Variants in COMMD1 observed in about 807,000 individuals in gnomAD.
COMMD1 encodes the protein copper metabolism domain containing 1.
Under a neutral mutation model 17.2 loss-of-function variants are expected in COMMD1, and 10 were observed. The observed-to-expected ratio is 0.58, with a 90% confidence interval of 0.36 to 0.99. The LOEUF is 0.99. COMMD1 is among the 50% of genes least tolerant of loss of function. The pLI, the probability that COMMD1 is intolerant of heterozygous loss-of-function variation, is 0.01. For synonymous variants in COMMD1, 97 were observed against 91.6 expected, an observed-to-expected ratio of 1.06 and a Z score of -0.34; for missense variants, 270 against 231.8, an observed-to-expected ratio of 1.17 and a Z score of -1.07.
intron 1 of COMMD1, among the ~76,000 whole-genome samples, chr2:61,890,976 G>T (rs1011965140): frequency 6.6e-5 from 10 of 152,144 alleles, no homozygotes; most frequent in African/African-American, 2.4e-4. Context: ...GATGTAATAT[G>T]TTGGAAACAA....
chr2:61,972,353 ATATAT>A (rs963228910), intron 1 of COMMD1, among the ~76,000 whole-genome samples: 1 of 152,104 alleles, frequency 6.6e-6, no homozygotes, highest in African/African-American at 2.4e-5. Context: ...GCTTGTTTTA[ATATAT>A]TATAGACCTG....
chr2:62,087,900 A>T (rs1189828670), intron 2 of COMMD1, among the ~76,000 whole-genome samples: 1 of 152,212 alleles, frequency 6.6e-6, no homozygotes, highest in African/African-American at 2.4e-5. Context: ...ATTAAAATGT[A>T]GTCTATACTC....
chr2:62,011,221 A>G (rs183455274), intron 2 of COMMD1, among the ~76,000 whole-genome samples: 3 of 152,278 alleles, frequency 2.0e-5, no homozygotes, highest in Non-Finnish European at 2.9e-5. Flanking sequence ...ACAATTGACA[A>G]TGTATAATAC....
chr2:62,041,715 A>G (rs1321005628), intron 2 of COMMD1, among the ~76,000 whole-genome samples: 1 of 151,794 alleles, frequency 6.6e-6, no homozygotes, highest in Non-Finnish European at 1.5e-5. Flanking sequence ...GAAGCCGCGG[A>G]CCCTCACGGG....
intron 1 of COMMD1, among the ~76,000 whole-genome samples, chr2:61,924,243 A>T (rs1670268123): frequency 6.6e-6 from 1 of 152,096 alleles, no homozygotes; most frequent in South Asian, 2.1e-4. Context: ...TGATTTCCTT[A>T]GCCAACTATA....
chr2:62,071,855 A>G (rs377298643), intron 2 of COMMD1, among the ~76,000 whole-genome samples: 2 of 152,102 alleles, frequency 1.3e-5, no homozygotes, highest in East Asian at 1.9e-4. Context: ...ACTGATTAGC[A>G]TTAAGTTTAA....
At chr2:62,114,509 A>G (rs1234341154) in intron 2 of COMMD1, among the ~76,000 whole-genome samples, 2 of 152,204 alleles carry the variant, frequency 1.3e-5, no homozygotes, top group Non-Finnish European at 2.9e-5. Context: ...CAATTTGATT[A>G]TAAGAAAATT....
Position 62,012,215 on chromosome 2 carries a change from C to T in COMMD1, c.462+11233C>T, listed in dbSNP as rs1292097619. On this transcript the variant is annotated intron_variant, in intron 2 of 2. Transcript: ENST00000311832. ...GAGGTTGCAGTGAGCCAAGATCACGCCATTCCACTCCAGCCTGGGTGACAG... is the reference window on the plus strand; with the variant it reads ...GAGGTTGCAGTGAGCCAAGATCACGTCATTCCACTCCAGCCTGGGTGACAG... 4.0e-5 allele frequency among the ~76,000 whole-genome samples: 6 copies of T among 151,282 alleles called. 1 individual carries two copies. The highest frequency in any genetic ancestry group is 2.0e-4 in the Admixed American group (3 of 15,180).
At chr2:61,940,227 G>T (rs1002420154) in intron 1 of COMMD1, among the ~76,000 whole-genome samples, 1 of 152,110 alleles carries the variant, frequency 6.6e-6, no homozygotes, top group African/African-American at 2.4e-5. Context: ...AATCTTTCTA[G>T]TTCCCATTTA....
intron 2 of COMMD1, among the ~76,000 whole-genome samples, chr2:62,083,968 A>G (rs952878433): frequency 6.6e-6 from 1 of 152,218 alleles, no homozygotes; most frequent in Non-Finnish European, 1.5e-5. Flanking sequence ...CTGATTGGCT[A>G]CTGAAATTCT....
At chr2:61,940,126 A>G (rs888849132) in intron 1 of COMMD1, among the ~76,000 whole-genome samples, 2 of 152,192 alleles carry the variant, frequency 1.3e-5, no homozygotes, top group Non-Finnish European at 2.9e-5. Flanking sequence ...GTTTTTTGTC[A>G]TAAGTCCCAA....
chr2:61,964,206 A>G (rs990616441), intron 1 of COMMD1, among the ~76,000 whole-genome samples: 1 of 151,950 alleles, frequency 6.6e-6, no homozygotes, highest in African/African-American at 2.4e-5. Flanking sequence ...TCTTTCTCTC[A>G]TCTCATTCCC....
At chr2:62,084,696 C>G (rs576022642) in intron 2 of COMMD1, 1 of 152,268 alleles carries the variant, frequency 6.6e-6, no homozygotes, top group East Asian at 1.9e-4. Context: ...TTTTTGTTCT[C>G]TACATGGGGA....
At chr2:61,917,019 A>C (rs1042260710) in intron 1 of COMMD1, among the ~76,000 whole-genome samples, 3 of 152,134 alleles carry the variant, frequency 2.0e-5, no homozygotes, top group African/African-American at 7.2e-5. Context: ...ATACCTGGGA[A>C]ATTTTTATGG....
intron 1 of COMMD1, among the ~76,000 whole-genome samples, chr2:61,944,944 T>G (rs1038976813): frequency 1.1e-4 from 17 of 152,140 alleles, no homozygotes. Flanking sequence ...TTTGTTTTGT[T>G]TTTCCTTTTT....
intron 1 of COMMD1, among the ~76,000 whole-genome samples, chr2:61,944,222 C>A (rs1335866305): frequency 6.6e-6 from 1 of 152,078 alleles, no homozygotes; most frequent in East Asian, 1.9e-4. Context: ...GAGGCCAAGG[C>A]AGGTGGATCA....
At chr2:62,006,208 G>A (rs1467077972) in intron 2 of COMMD1, among the ~76,000 whole-genome samples, 3 of 120,340 alleles carry the variant, frequency 2.5e-5, no homozygotes, top group Non-Finnish European at 5.2e-5. Flanking sequence ...GGTGGGGGGA[G>A]GGGGGGAGGG....
intron 2 of COMMD1, among the ~76,000 whole-genome samples, chr2:62,079,417 G>C (rs1671453434): frequency 6.6e-6 from 1 of 152,152 alleles, no homozygotes; most frequent in African/African-American, 2.4e-5. Context: ...GAATGCCTTT[G>C]CTCTCCATAT....
chr2:62,067,215 A>G (rs1241184064), intron 2 of COMMD1, among the ~76,000 whole-genome samples: 1 of 150,994 alleles, frequency 6.6e-6, no homozygotes, highest in Non-Finnish European at 1.5e-5. Context: ...GCAAGAGCGA[A>G]ACTCCATCTC....
Sources: allele counts gnomAD v4.1 joint callset (sites outside exome capture counted in the v4.1 genomes callset), GRCh38; gene constraint gnomAD v4.1.1; transcripts MANE v1.5; gene names NCBI Gene and HGNC (gene_info 2026-07-23, HGNC 2026-07-21).